Variants in HS3ST5 observed in about 807,000 individuals in gnomAD.
HS3ST5 encodes heparan sulfate-glucosamine 3-sulfotransferase 5.
HS3ST5 carries 10 observed loss-of-function variants against 25.4 expected under a neutral mutation model. The ratio of observed to expected loss-of-function variants is 0.39; its 90% CI spans 0.24 to 0.67. HS3ST5 has a LOEUF of 0.67. Ranked by LOEUF, HS3ST5 falls within the 30% of genes least tolerant of loss-of-function variation. The probability of loss-of-function intolerance (pLI) is 0.44; values close to 1 mark genes in which losing one functional copy is unlikely to be tolerated. For synonymous variants in HS3ST5, 170 were observed against 162.4 expected, an observed-to-expected ratio of 1.05 and a Z score of -0.36; for missense variants, 324 against 420.7, an observed-to-expected ratio of 0.77 and a Z score of 2.01.
At chr6:114,126,931 A>G (rs1303220777) in intron 3 of HS3ST5, among the ~76,000 whole-genome samples, 1 of 152,164 alleles carries the variant, frequency 6.6e-6, no homozygotes, top group Non-Finnish European at 1.5e-5. Flanking sequence ...CAACTGTGCG[A>G]CCCTTAAGCA....
At chr6:114,321,223 C>T (rs576799133) in intron 1 of HS3ST5, among the ~76,000 whole-genome samples, 15 of 152,144 alleles carry the variant, frequency 9.9e-5, no homozygotes, top group Admixed American at 3.9e-4. Flanking sequence ...ATAAAAATAC[C>T]TAGCACAGTG....
chr6:114,303,297 C>G (rs548133463), intron 1 of HS3ST5, among the ~76,000 whole-genome samples: 3 of 151,976 alleles, frequency 2.0e-5, no homozygotes, highest in Admixed American at 6.6e-5. Flanking sequence ...TTTATACTCT[C>G]CTTCCTCAGT....
chr6:114,248,132 C>A (rs958757528), intron 1 of HS3ST5, among the ~76,000 whole-genome samples: 1 of 150,070 alleles, frequency 6.7e-6, no homozygotes, highest in Non-Finnish European at 1.5e-5. Flanking sequence ...ACCTAGGAGA[C>A]GGAAGTTGCA....
At chr6:114,229,581 C>T (rs1031082190) in intron 1 of HS3ST5, among the ~76,000 whole-genome samples, 3 of 152,326 alleles carry the variant, frequency 2.0e-5, no homozygotes, top group African/African-American at 7.2e-5. Context: ...ACACCTCTCA[C>T]AAATAGAGAA....
intron 1 of HS3ST5, among the ~76,000 whole-genome samples, chr6:114,318,442 A>AT (rs573415390): frequency 8.5e-5 from 13 of 152,052 alleles, no homozygotes; most frequent in East Asian, 5.8e-4. Context: ...CTTTAAGTAG[A>AT]TTTTTTTTAA....
intron 1 of HS3ST5, among the ~76,000 whole-genome samples, chr6:114,311,932 C>T (rs1287111036): frequency 1.3e-5 from 2 of 152,178 alleles, no homozygotes; most frequent in Admixed American, 1.3e-4. Flanking sequence ...ATTTTACTTT[C>T]AATTTAGCAT....
In HS3ST5 at chr6:114,103,468, A is replaced by T. The variant is rs573355459; in HGVS notation, c.-32-40591T>A. ...AAATATTAACTAAATAATTGTATAG[A>T]TGATTACAAGACATGATGGAAAAGC... On this transcript the variant is annotated intron_variant, in intron 3 of 4. Transcript: ENST00000312719. Among the ~76,000 whole-genome samples, 175 of 152,312 alleles carry T rather than the reference A, an allele frequency of 1.1e-3. 3 individuals carry two copies. The highest frequency in any genetic ancestry group is 3.0e-3 in the Admixed American group (46 of 15,292).
chr6:114,104,131 T>C (rs1459757818), intron 3 of HS3ST5, among the ~76,000 whole-genome samples: 2 of 152,066 alleles, frequency 1.3e-5, no homozygotes, highest in African/African-American at 2.4e-5. Context: ...CTTTATAAGC[T>C]ACAAAAATCA....
At chr6:114,150,599 T>A (rs1005561726) in intron 3 of HS3ST5, among the ~76,000 whole-genome samples, 1 of 152,194 alleles carries the variant, frequency 6.6e-6, no homozygotes, top group Non-Finnish European at 1.5e-5. Context: ...AGAGAGGTTT[T>A]ATGAAGAATA....
chr6:114,216,074 G>C (rs560213648), intron 2 of HS3ST5, among the ~76,000 whole-genome samples: 20 of 152,312 alleles, frequency 1.3e-4, no homozygotes, highest in Admixed American at 1.2e-3. Context: ...CGGCTCTGCT[G>C]CATAATTTTT....
chr6:114,234,389 A>G (rs1771758195), intron 1 of HS3ST5, among the ~76,000 whole-genome samples: 2 of 151,448 alleles, frequency 1.3e-5, no homozygotes, highest in African/African-American at 4.8e-5. Flanking sequence ...ATGACTACAC[A>G]TAGTTCTCTT....
At chr6:114,330,385 A>G (rs990620625) in intron 1 of HS3ST5, among the ~76,000 whole-genome samples, 7 of 152,146 alleles carry the variant, frequency 4.6e-5, no homozygotes, top group African/African-American at 1.7e-4. Context: ...TTGCTCGGTA[A>G]ATAGCTGCTG....
At chr6:114,063,166 T>C (rs1169648376) in intron 3 of HS3ST5, among the ~76,000 whole-genome samples, 1 of 152,054 alleles carries the variant, frequency 6.6e-6, no homozygotes, top group Admixed American at 6.6e-5. Context: ...ATGTAACATA[T>C]AGTGTGTTTG....
intron 3 of HS3ST5, among the ~76,000 whole-genome samples, chr6:114,086,309 A>T (rs922184000): frequency 6.6e-6 from 1 of 152,202 alleles, no homozygotes; most frequent in African/African-American, 2.4e-5. Context: ...AGCAAGTAGC[A>T]GAAGGAGTGA....
At chr6:114,115,936 C>T (rs1376627910) in intron 3 of HS3ST5, among the ~76,000 whole-genome samples, 1 of 152,038 alleles carries the variant, frequency 6.6e-6, no homozygotes, top group Non-Finnish European at 1.5e-5. Flanking sequence ...GAACTTATCA[C>T]TGCAGTTGAA....
chr6:114,119,943 G>A (rs557495322), intron 3 of HS3ST5, among the ~76,000 whole-genome samples: 76 of 152,184 alleles, frequency 5.0e-4, no homozygotes, highest in African/African-American at 1.8e-3. Flanking sequence ...TCAGGAGTTC[G>A]AGACCGGCCT....
At chr6:114,335,747 C>T (rs1251702057) in intron 1 of HS3ST5, among the ~76,000 whole-genome samples, 3 of 151,744 alleles carry the variant, frequency 2.0e-5, no homozygotes, top group South Asian at 2.1e-4. Flanking sequence ...CTCCATTTCC[C>T]GGGTTCAAGA....
intron 3 of HS3ST5, among the ~76,000 whole-genome samples, chr6:114,095,183 C>G (rs955928518): frequency 2.6e-5 from 4 of 152,158 alleles, no homozygotes; most frequent in Non-Finnish European, 5.9e-5. Flanking sequence ...AGCAAATACA[C>G]TTCACTTTTG....
intron 3 of HS3ST5, among the ~76,000 whole-genome samples, chr6:114,134,414 A>T (rs1194582077): frequency 6.6e-6 from 1 of 152,126 alleles, no homozygotes; most frequent in Non-Finnish European, 1.5e-5. Flanking sequence ...CCTCTAAAGA[A>T]CTGTCTGGTT....
Sources: allele counts gnomAD v4.1 joint callset (sites outside exome capture counted in the v4.1 genomes callset), GRCh38; gene constraint gnomAD v4.1.1; transcripts MANE v1.5; gene names NCBI Gene and HGNC (gene_info 2026-07-23, HGNC 2026-07-21).